The following CLPTM1 variants were observed in gnomAD, a reference collection of about 807,000 sequenced individuals.
CLPTM1 encodes putative lipid scramblase CLPTM1.
Under a neutral mutation model 77.3 loss-of-function variants are expected in CLPTM1, and 21 were observed. That is an observed-to-expected ratio of 0.27 (90% CI 0.19 to 0.39). The LOEUF (loss-of-function observed/expected upper bound fraction) is 0.39. Ranked by LOEUF, CLPTM1 falls within the 10% of genes least tolerant of loss-of-function variation. The probability of loss-of-function intolerance (pLI) is 1.00; values close to 1 mark genes in which losing one functional copy is unlikely to be tolerated. For synonymous variants in CLPTM1, 373 were observed against 381.0 expected, an observed-to-expected ratio of 0.98 and a Z score of 0.24; for missense variants, 642 against 921.2, an observed-to-expected ratio of 0.70 and a Z score of 3.92.
At chr19:44,955,319 GA>G (rs1970442009), upstream of CLPTM1, 2 of 1,277,504 alleles carry the variant, frequency 1.6e-6, no homozygotes, top group African/African-American at 1.5e-5. Context: ...AGGAAAGCGT[GA>G]AATCTCGCGC....
At chr19:44,956,677 G>A (rs1368785790) in intron 1 of CLPTM1, among the ~76,000 whole-genome samples, 2 of 152,256 alleles carry the variant, frequency 1.3e-5, no homozygotes, top group South Asian at 2.1e-4. Context: ...AAAGGAGGTC[G>A]TTTCCCCTCT....
intron 4 of CLPTM1, among the ~76,000 whole-genome samples, chr19:44,977,100 G>A (rs535770778): frequency 6.6e-6 from 1 of 152,228 alleles, no homozygotes; most frequent in East Asian, 1.9e-4. Flanking sequence ...CTCTAGGTGG[G>A]GCCCTGAGGC....
In CLPTM1 at chr19:44,977,392, G is replaced by A; in HGVS notation, c.518G>A (p.Ser173Asn). 9 of 1,610,442 alleles carry A rather than the reference G, an allele frequency of 5.6e-6. No individual in the cohort carries two copies. The highest frequency in any genetic ancestry group is 6.8e-6 in the Non-Finnish European group (8 of 1,180,006). The part of the protein sequence containing the change: ...SIYIHVYFTK[S>N]GFHPDPRQKA... ...TACATCCACGTTTACTTCACCAAGA[G>A]TGGCTTCCACCCAGACCCCCGGCAG... Residue 173 changes from serine to asparagine, a missense_variant, in exon 5 of 14, where the codon AGT (serine) becomes AAT (asparagine). By Grantham distance (46) the Ser-to-Asn change is conservative. Coordinates refer to ENST00000337392, the MANE Select transcript of CLPTM1 (RefSeq NM_001294.4).
rs562840198 is a variant in CLPTM1 at position 44,992,110 on chromosome 19, A to G, written c.1556-123A>G. The G allele has an allele frequency of 1.4e-5, 13 of 950,406 alleles. No individual in the cohort carries two copies. Among genetic ancestry groups the G allele is most frequent in the Admixed American group, 2.2e-5 (1 of 44,446 alleles). 58.9% of individuals were successfully genotyped at this position (950,406 alleles called of 1,614,324 possible). On this transcript the variant is annotated intron_variant, in intron 12 of 13. Transcript: ENST00000337392. This position sits in a 1 kb window ranked among gnomAD's most constrained non-coding sequence, Gnocchi z 7.7. ...GGCCGCTGGTAGAGTGTGCCCAGGT[A>G]TAGGAAGTGGTAGAGTGTGCCCAGG...
intron 7 of CLPTM1, 25 bp downstream of exon 7, chr19:44,986,600 G>T (rs1179862462): frequency 6.2e-7 from 1 of 1,610,264 alleles, no homozygotes; most frequent in African/African-American, 1.3e-5. Flanking sequence ...CCTGCCAGCT[G>T]CCTGCAGAGC....
intron 2 of CLPTM1, among the ~76,000 whole-genome samples, chr19:44,964,731 C>G (rs1970600900): frequency 1.3e-5 from 2 of 152,234 alleles, no homozygotes. Flanking sequence ...CCATACCCAT[C>G]AGACACAAGC....
chr19:44,991,519 GC>G lies in CLPTM1; in HGVS notation c.1555+150del. ...ATAGGGAGGCCCGAGGGCACACATG[GC>G]CCCATCTGGGGTCAGAGAGGACTTC... is the stretch of plus-strand genomic sequence containing the variant. On this transcript the variant is annotated intron_variant, in intron 12 of 13. Coordinates refer to ENST00000337392, the MANE Select transcript of CLPTM1 (RefSeq NM_001294.4). This position sits in a 1 kb window ranked among gnomAD's most constrained non-coding sequence, Gnocchi z 5.4. 1 of 902,380 alleles carries G rather than the reference GC, an allele frequency of 1.1e-6. No homozygotes were observed. Among genetic ancestry groups the G allele is most frequent in the Non-Finnish European group, 1.7e-6 (1 of 597,666 alleles). The allele number at this position is 902,380 out of a possible 1,614,324, so 55.9% of individuals were successfully genotyped here.
intron 2 of CLPTM1, among the ~76,000 whole-genome samples, chr19:44,969,602 C>T (rs1970686331): frequency 6.6e-6 from 1 of 151,864 alleles, no homozygotes; most frequent in Admixed American, 6.6e-5. Flanking sequence ...AAGACAGCTG[C>T]TGAAGATTCA....
chr19:44,975,889 G>A (rs1003938069), intron 4 of CLPTM1, among the ~76,000 whole-genome samples: 1 of 152,042 alleles, frequency 6.6e-6, no homozygotes, highest in South Asian at 2.1e-4. Context: ...TTGAGATGGG[G>A]TCTTGCTCTG....
intron 2 of CLPTM1, among the ~76,000 whole-genome samples, chr19:44,972,273 A>C (rs1290483914): frequency 6.8e-6 from 1 of 146,474 alleles, no homozygotes; most frequent in Non-Finnish European, 1.5e-5. Flanking sequence ...TTTGAGATGG[A>C]GTCTCGCTCT....
At chr19:44,978,642 A>T (rs1161982767) in intron 5 of CLPTM1, among the ~76,000 whole-genome samples, 1 of 152,148 alleles carries the variant, frequency 6.6e-6, no homozygotes, top group East Asian at 1.9e-4. Context: ...CTGAAAAAAC[A>T]ATAGTAATAA....
At chr19:44,957,447 G>A (rs1237032248) in intron 1 of CLPTM1, among the ~76,000 whole-genome samples, 1 of 152,242 alleles carries the variant, frequency 6.6e-6, no homozygotes, top group African/African-American at 2.4e-5. Flanking sequence ...GGTGCTCAGT[G>A]TTTGTGGAAT....
intron 2 of CLPTM1, among the ~76,000 whole-genome samples, chr19:44,962,962 T>C (rs1321582889): frequency 6.6e-6 from 1 of 151,100 alleles, no homozygotes; most frequent in African/African-American, 2.4e-5. Context: ...GAGGCGGAGC[T>C]TGCAGAGAGC....
At chr19:44,970,425 G>C (rs1421266533) in intron 2 of CLPTM1, among the ~76,000 whole-genome samples, 2 of 141,622 alleles carry the variant, frequency 1.4e-5, no homozygotes, top group Non-Finnish European at 3.0e-5. Flanking sequence ...TTTGAGACAG[G>C]GTCTCACTCT....
At chr19:44,969,622 T>G (rs1970686544) in intron 2 of CLPTM1, among the ~76,000 whole-genome samples, 1 of 151,580 alleles carries the variant, frequency 6.6e-6, no homozygotes, top group Admixed American at 6.6e-5. Flanking sequence ...AGCCATCACA[T>G]CCACACTCCA....
intron 1 of CLPTM1, 70 bp from the exon 2 acceptor site, chr19:44,961,893 A>G (rs1229746597): frequency 9.9e-7 from 1 of 1,005,286 alleles, no homozygotes; most frequent in Admixed American, 2.7e-5. Context: ...CCTGGCCTTC[A>G]TGCATGATGG....
upstream of CLPTM1, chr19:44,954,718 G>A (rs1599999822): frequency 4.1e-6 from 5 of 1,221,550 alleles, no homozygotes; most frequent in South Asian, 1.1e-4. Flanking sequence ...ACCACTGAGG[G>A]AACGCGCATG....
intron 2 of CLPTM1, among the ~76,000 whole-genome samples, chr19:44,968,326 G>C (rs1568383154): frequency 1.3e-5 from 2 of 152,184 alleles, no homozygotes; most frequent in African/African-American, 2.4e-5. Context: ...GGTGGCGTCT[G>C]TGTTTTTGAG....
chr19:44,973,981 C>G lies in CLPTM1; in HGVS notation c.310-458C>G, dbSNP rs558719103. Among the ~76,000 whole-genome samples, 13 of 151,650 alleles carry G rather than the reference C, an allele frequency of 8.6e-5. No homozygotes were observed. The South Asian group carries it at 1.9e-3, about 22-fold the overall frequency. ...GGTTTTACCTTTTTGGTACGCTGGT[C>G]TCGAACTCCTGACCTCAAGTGGTCT... On this transcript the variant is annotated intron_variant, in intron 3 of 13. Transcript: ENST00000337392.
Sources: gnomAD v4.1 joint callset for allele counts (sites outside exome capture counted in the v4.1 genomes callset) on GRCh38, gnomAD v4.1.1 for gene constraint, Gnocchi (gnomAD v3.1) non-coding constraint, MANE v1.5 for transcripts, NCBI Gene and HGNC (gene_info 2026-07-23, HGNC 2026-07-21) for gene names.